Variants in NHS observed in about 807,000 individuals in gnomAD.
The protein encoded by NHS is NHS actin remodeling regulator.
In NHS, 5 loss-of-function variants were observed where a neutral mutation model predicts 72.5. The observed-to-expected ratio is 0.07, with a 90% CI of 0.04 to 0.14. NHS has a LOEUF of 0.14. NHS is among the 10% of genes least tolerant of loss of function. The pLI is 1.00. For missense variants in NHS, 1,072 were observed against 1,355.7 expected, an observed-to-expected ratio of 0.79 and a Z score of 3.29; for synonymous variants, 464 against 547.7, an observed-to-expected ratio of 0.85 and a Z score of 2.13.
chrX:17,549,937 G>A (rs1028821156), intron 1 of NHS, among the ~76,000 whole-genome samples: 4 of 111,687 alleles, frequency 3.6e-5, no homozygotes, highest in African/African-American at 1.3e-4. Flanking sequence ...TAGAGACAAC[G>A]AGGGATTTGG....
chrX:17,732,192 G>A lies in NHS; in HGVS notation c.4684G>A (p.Asp1562Asn), dbSNP rs754239256. 5.0e-6 allele frequency: 6 copies of A among 1,211,973 alleles called. No homozygotes were observed. The South Asian group carries it at 8.8e-5, about 18-fold the overall frequency. Residue 1562 changes from aspartate (D) to asparagine (N), a missense_variant, in exon 9 of 9, where the codon GAT (aspartate) becomes AAT (asparagine). By Grantham distance (23) the Asp-to-Asn change is conservative (BLOSUM62 1). Coordinates refer to ENST00000676302, the MANE Select transcript of NHS (RefSeq NM_001291867.2). Reference sequence around the variant, plus strand: ...AGCAGAGTCCCCTCAGAGCACCGATGATGCCCATCAGGGGTCACAAGGGGC... The same window carrying A: ...AGCAGAGTCCCCTCAGAGCACCGATAATGCCCATCAGGGGTCACAAGGGGC... ...LTAESPQSTD[D>N]AHQGSQGAEA...
intron 1 of NHS, among the ~76,000 whole-genome samples, chrX:17,539,377 T>G (rs1024514121): frequency 9.1e-6 from 1 of 109,940 alleles, no homozygotes; most frequent in South Asian, 4.0e-4. Context: ...ATTGGTTTAT[T>G]TAACTTTACA....
At chrX:17,581,455 G>C (rs980144867) in intron 1 of NHS, among the ~76,000 whole-genome samples, 11 of 111,264 alleles carry the variant, frequency 9.9e-5, no homozygotes, top group Non-Finnish European at 1.7e-4. Flanking sequence ...CACTGCAGAG[G>C]GTGTTTTGGG....
intron 1 of NHS, among the ~76,000 whole-genome samples, chrX:17,654,935 C>T (rs1322210021): frequency 1.8e-5 from 2 of 112,309 alleles, no homozygotes; most frequent in Admixed American, 9.4e-5. Context: ...GTTTTTAATC[C>T]TGGTTCAACC....
chrX:17,692,603 A>G, intron 3 of NHS, 135 bp downstream of exon 3: 1 of 808,356 alleles, frequency 1.2e-6, no homozygotes, highest in Admixed American at 2.7e-5. Context: ...TTGGGAACAA[A>G]TTAATTTCCC....
chrX:17,635,891 C>T (rs2147071537), intron 1 of NHS, among the ~76,000 whole-genome samples: 1 of 112,215 alleles, frequency 8.9e-6, no homozygotes, highest in African/African-American at 3.2e-5. Context: ...TCTGAGGCAT[C>T]AAACTACCCA....
At chrX:17,522,302 C>A (rs1402849854) in intron 1 of NHS, among the ~76,000 whole-genome samples, 1 of 112,618 alleles carries the variant, frequency 8.9e-6, no homozygotes, top group Admixed American at 9.3e-5. Flanking sequence ...AGCCGCCCCA[C>A]TGACCTGTAG....
chrX:17,519,682 A>C (rs1190641571), intron 1 of NHS, among the ~76,000 whole-genome samples: 1 of 111,628 alleles, frequency 9.0e-6, no homozygotes, highest in Non-Finnish European at 1.9e-5. Flanking sequence ...CTATCAGATT[A>C]AAAGAGCTCT....
chrX:17,383,242 A>G (rs1044167017), intron 1 of NHS, among the ~76,000 whole-genome samples: 4 of 111,839 alleles, frequency 3.6e-5, no homozygotes, highest in Non-Finnish European at 5.6e-5. Flanking sequence ...TGCAACCAAG[A>G]CAATCTATTT....
chrX:17,471,516 T>C (rs2064892464), intron 1 of NHS, among the ~76,000 whole-genome samples: 1 of 112,882 alleles, frequency 8.9e-6, no homozygotes, highest in Non-Finnish European at 1.9e-5. Context: ...AACATTTCAA[T>C]TGGTATGGAC....
At chrX:17,552,043 G>C (rs1436460424) in intron 1 of NHS, among the ~76,000 whole-genome samples, 2 of 111,914 alleles carry the variant, frequency 1.8e-5, no homozygotes, top group Admixed American at 9.5e-5. Context: ...GGAAACCGAG[G>C]CTCAGAGAGG....
intron 1 of NHS, among the ~76,000 whole-genome samples, chrX:17,647,376 G>T (rs1440035721): frequency 1.8e-5 from 2 of 112,322 alleles, no homozygotes; most frequent in Admixed American, 9.4e-5. Context: ...TACAGTCAAG[G>T]TTGAGAACAC....
In NHS at chrX:17,662,266, A is replaced by C. The variant is rs181393903; in HGVS notation, c.566-25476A>C. ...AAGACATGACAAGCACTTAAGTGAC[A>C]GCATGAGAAGTTAAGCAAACATAAT... is the stretch of plus-strand genomic sequence containing the variant. On this transcript the variant is annotated intron_variant, in intron 1 of 8. Transcript: ENST00000676302. Among the ~76,000 whole-genome samples the C allele has an allele frequency of 7.7e-4, 86 of 112,170 alleles. 1 individual carries two copies. Among genetic ancestry groups the C allele is most frequent in the Admixed American group, 6.3e-3 (67 of 10,640 alleles).
At chrX:17,702,154 A>G (rs1163070450) in intron 3 of NHS, among the ~76,000 whole-genome samples, 1 of 110,368 alleles carries the variant, frequency 9.1e-6, no homozygotes, top group Non-Finnish European at 1.9e-5. Context: ...TGTTTTATAT[A>G]TCCCCCCATA....
chrX:17,493,734 G>T lies in NHS; in HGVS notation c.565+117412G>T, dbSNP rs1273018740. ...ATGCAGAATCTCAGGCCCCACGCCA[G>T]ATCTACTGAGTCAGAATCTGCATTT... On this transcript the variant is annotated intron_variant, in intron 1 of 8. Coordinates refer to ENST00000676302, the MANE Select transcript of NHS (RefSeq NM_001291867.2). Among the ~76,000 whole-genome samples the T allele has an allele frequency of 2.7e-5, 3 of 111,929 alleles. No homozygotes were observed. In the East Asian group the frequency reaches 8.5e-4, roughly 32 times the overall value.
chrX:17,528,320 G>A (rs1461628011), intron 1 of NHS: 1 of 111,881 alleles, frequency 8.9e-6, no homozygotes, highest in African/African-American at 3.3e-5. Context: ...TTTCTGGTAG[G>A]GTGCTCCTGC....
At chrX:17,434,937 C>T (rs1220194396) in intron 1 of NHS, among the ~76,000 whole-genome samples, 1 of 111,800 alleles carries the variant, frequency 8.9e-6, no homozygotes, top group African/African-American at 3.3e-5. Flanking sequence ...TATGGAAGCT[C>T]ATAGCTGGAG....
At chrX:17,609,257 G>C (rs1047597152) in intron 1 of NHS, among the ~76,000 whole-genome samples, 1 of 112,216 alleles carries the variant, frequency 8.9e-6, no homozygotes, top group African/African-American at 3.2e-5. Flanking sequence ...AAGTGGAAGT[G>C]TTTATAAAAA....
intron 1 of NHS, among the ~76,000 whole-genome samples, chrX:17,610,718 A>G (rs2065706912): frequency 8.9e-6 from 1 of 112,516 alleles, no homozygotes; most frequent in African/African-American, 3.2e-5. Context: ...TGTTTCTCTC[A>G]TGAATCATTC....
Sources: gnomAD v4.1 joint callset for allele counts (sites outside exome capture counted in the v4.1 genomes callset) on GRCh38, gnomAD v4.1.1 for gene constraint, MANE v1.5 for transcripts, NCBI Gene and HGNC (gene_info 2026-07-23, HGNC 2026-07-21) for gene names.